The following SUPT5H variants were observed in gnomAD, a reference collection of about 807,000 sequenced individuals.
SUPT5H encodes the protein SPT5 homolog, DSIF elongation factor subunit.
In SUPT5H, 24 loss-of-function variants were observed where a neutral mutation model predicts 142.5. The observed-to-expected ratio is 0.17, with a 90% CI of 0.12 to 0.24. SUPT5H has a LOEUF of 0.24. SUPT5H is among the 10% of genes least tolerant of loss of function. SUPT5H has a pLI of 1.00. For missense variants in SUPT5H, 893 were observed against 1,471.8 expected, an observed-to-expected ratio of 0.61 and a Z score of 6.43; for synonymous variants, 546 against 553.0, an observed-to-expected ratio of 0.99 and a Z score of 0.18.
At position 39,453,379 on chromosome 19, in the gene SUPT5H, A is replaced by G; in HGVS notation, c.99A>G (p.Ala33=). 6.2e-7 allele frequency: 1 copy of G among 1,604,718 alleles called. No homozygotes were observed. The highest frequency in any genetic ancestry group is 8.5e-7 in the Non-Finnish European group (1 of 1,175,086). Residue 33 remains alanine, a synonymous_variant, in exon 3 of 30, where the codon GCA becomes GCG. Coordinates refer to ENST00000432763, the MANE Select transcript of SUPT5H (RefSeq NM_001111020.3). ...EAEVDEERRS[A]AGSEKEEEPE... ...AGGTAGACGAAGAGCGGCGGAGTGC[A>G]GCGGGCAGTGAGAAAGAAGAAGAGC...
At position 39,472,631 on chromosome 19, in the gene SUPT5H, C is replaced by T. The variant is rs995451987; in HGVS notation, c.2035+138C>T. The T allele has an allele frequency of 1.8e-4, 243 of 1,373,910 alleles. No individual in the cohort carries two copies. Among genetic ancestry groups the T allele is most frequent in the Non-Finnish European group, 2.1e-4 (213 of 1,011,168 alleles). The allele number at this position is 1,373,910 out of a possible 1,614,324, so 85.1% of individuals were successfully genotyped here. Reference sequence around the variant, plus strand: ...GGTTCACCACCCACAGGAGGGTAGACGCCACAGTGACAGCCCAGAATGGTC... The same window carrying T: ...GGTTCACCACCCACAGGAGGGTAGATGCCACAGTGACAGCCCAGAATGGTC... On this transcript the variant is annotated intron_variant, in intron 21 of 29. Transcript: ENST00000432763. This position sits in a 1 kb window ranked among gnomAD's most constrained non-coding sequence, Gnocchi z 4.2.
In SUPT5H at chr19:39,459,935, T is replaced by C; in HGVS notation, c.599T>C (p.Phe200Ser). 6.2e-7 allele frequency: 1 copy of C among 1,614,116 alleles called. No homozygotes were observed. The highest frequency in any genetic ancestry group is 8.5e-7 in the Non-Finnish European group (1 of 1,180,026). Residue 200 changes from phenylalanine (F) to serine (S), a missense_variant, in exon 10 of 30, where the codon TTC (phenylalanine) becomes TCC (serine). Transcript: ENST00000432763. ...ACGGCCATTTCCTTGATGCGCAAGT[T>C]CATTGCCTACCAGTTCACAGACACG... ...RATAISLMRK[F>S]IAYQFTDTPL...
At position 39,470,311 on chromosome 19, in the gene SUPT5H, C is replaced by T. The variant is rs769507947; in HGVS notation, c.1530+37C>T. 1 of 1,545,500 alleles carries T rather than the reference C, an allele frequency of 6.5e-7. No homozygotes were observed. Among genetic ancestry groups the T allele is most frequent in the East Asian group, 2.3e-5 (1 of 43,226 alleles). Reference sequence around the variant, plus strand: ...GAAGGGTCGGGGAAGGGTGCACGTGCCAAGAGGAGACCCAGGTAGGCGAGC... The same window carrying T: ...GAAGGGTCGGGGAAGGGTGCACGTGTCAAGAGGAGACCCAGGTAGGCGAGC... On this transcript the variant is annotated intron_variant, in intron 17 of 29. Transcript: ENST00000432763. This position sits in a 1 kb window ranked among gnomAD's most constrained non-coding sequence, Gnocchi z 5.8.
In SUPT5H at chr19:39,470,242, G is replaced by C; in HGVS notation, c.1498G>C (p.Val500Leu). The C allele has an allele frequency of 6.3e-7, 1 of 1,591,674 alleles. No homozygotes were observed. Among genetic ancestry groups the C allele is most frequent in the Non-Finnish European group, 8.6e-7 (1 of 1,165,224 alleles). Residue 500 changes from valine to leucine, a missense_variant, in exon 17 of 30, where the codon GTT becomes CTT. Val to Leu is a conservative substitution (Grantham distance 32). Transcript: ENST00000432763. The surrounding 1 kb of genome is among the most constrained non-coding windows in gnomAD (Gnocchi z 5.8). ...CATTGTGCGGGTGGAGGAGAATTTC[G>C]TTATCCTGTTCTCTGACCTCACCAT... Reference protein sequence around the residue: ...GLIVRVEENFVILFSDLTMHE... With the variant: ...GLIVRVEENFLILFSDLTMHE...
rs2079381459 is a variant in SUPT5H at position 39,474,947 on chromosome 19, C to A, written c.3024+229C>A. The A allele has an allele frequency of 1.5e-5, 9 of 595,922 alleles. No homozygotes were observed. The highest frequency in any genetic ancestry group is 8.9e-5 in the Admixed American group (3 of 33,622). The allele number at this position is 595,922 out of a possible 1,614,324, so 36.9% of individuals were successfully genotyped here. A position where few individuals can be genotyped will look rare whatever the true frequency, so the allele number is the denominator to read the frequency against. On this transcript the variant is annotated intron_variant, in intron 28 of 29. Transcript: ENST00000432763. This position sits in a 1 kb window ranked among gnomAD's most constrained non-coding sequence, Gnocchi z 6.5. ...AGGAGAAATCTGAGCCAAGACCTGA[C>A]AAATGAATAGGAGTAAGCTAAGGAA...
At position 39,458,828 on chromosome 19, in the gene SUPT5H, C is replaced by T. The variant is rs140519829; in HGVS notation, c.330C>T (p.Ile110=). ...LEKEEIEASN[I]DNVVLDEDRS... ...CCCATTATTTTTCAGCCTCCAATAT[C>T]GATAATGTTGTCCTGGATGAAGATC... is the stretch of plus-strand genomic sequence containing the variant. Residue 110 remains isoleucine (I), a synonymous_variant, in exon 6 of 30, where the codon ATC becomes ATT. Transcript: ENST00000432763. This position sits in a 1 kb window ranked among gnomAD's most constrained non-coding sequence, Gnocchi z 4.2. 1,146 of 1,612,416 alleles carry T rather than the reference C, an allele frequency of 7.1e-4. 3 individuals are homozygous for T. Among genetic ancestry groups the T allele is most frequent in the Non-Finnish European group, 5.5e-4 (645 of 1,178,874 alleles).
At position 39,474,684 on chromosome 19, in the gene SUPT5H, T is replaced by C. The variant is rs781771081; in HGVS notation, c.2990T>C (p.Val997Ala). ...CGGGACACCTACCTGGATACACAGG[T>C]GGTGGGACAGACAGGTGTCATCCGC... ...KVRDTYLDTQ[V>A]VGQTGVIRSV... Residue 997 changes from valine to alanine, a missense_variant, in exon 28 of 30, where the codon GTG becomes GCG. Transcript: ENST00000432763. This position sits in a 1 kb window ranked among gnomAD's most constrained non-coding sequence, Gnocchi z 6.5. 2.4e-5 allele frequency: 38 copies of C among 1,613,564 alleles called. No homozygotes were observed. Among genetic ancestry groups the C allele is most frequent in the Middle Eastern group, 3.3e-4 (2 of 6,084 alleles).
At chr19:39,446,923 G>A (rs533011669) in intron 2 of SUPT5H, among the ~76,000 whole-genome samples, 10 of 152,172 alleles carry the variant, frequency 6.6e-5, no homozygotes, top group East Asian at 1.9e-4. Flanking sequence ...GCTGAGAATC[G>A]CTTGAACCAG....
intron 3 of SUPT5H, among the ~76,000 whole-genome samples, chr19:39,454,023 A>T (rs1487041269): frequency 6.6e-6 from 1 of 152,226 alleles, no homozygotes; most frequent in South Asian, 2.1e-4. Flanking sequence ...ATTTTGGTGC[A>T]TATGTTTCTT....
chr19:39,474,747 C>T lies in SUPT5H; in HGVS notation c.3024+29C>T, dbSNP rs759297636. 17 of 1,582,626 alleles carry T rather than the reference C, an allele frequency of 1.1e-5. No homozygotes were observed. The highest frequency in any genetic ancestry group is 1.5e-5 in the Non-Finnish European group (17 of 1,164,134). ...CGTGGGGCCCAGGGTGGTGGGTGAG[C>T]AGGCATCCTCTCCTTGGTACCCCCT... On this transcript the variant is annotated intron_variant, in intron 28 of 29. Coordinates refer to ENST00000432763, the MANE Select transcript of SUPT5H (RefSeq NM_001111020.3). This position sits in a 1 kb window ranked among gnomAD's most constrained non-coding sequence, Gnocchi z 6.5.
Position 39,472,637 on chromosome 19 carries a change from A to T in SUPT5H, c.2035+144A>T. Reference sequence around the variant, plus strand: ...CCACCCACAGGAGGGTAGACGCCACAGTGACAGCCCAGAATGGTCAGGGCT... The same window carrying T: ...CCACCCACAGGAGGGTAGACGCCACTGTGACAGCCCAGAATGGTCAGGGCT... On this transcript the variant is annotated intron_variant, in intron 21 of 29. Coordinates refer to ENST00000432763, the MANE Select transcript of SUPT5H (RefSeq NM_001111020.3). This position sits in a 1 kb window ranked among gnomAD's most constrained non-coding sequence, Gnocchi z 4.2. 7.2e-7 allele frequency: 1 copy of T among 1,381,542 alleles called. No individual in the cohort carries two copies. Among genetic ancestry groups the T allele is most frequent in the Non-Finnish European group, 9.8e-7 (1 of 1,019,242 alleles). The allele number at this position is 1,381,542 out of a possible 1,614,324, so 85.6% of individuals were successfully genotyped here.
rs575282987 is a variant in SUPT5H at position 39,465,133 on chromosome 19, G to T, written c.876+84G>T. On this transcript the variant is annotated intron_variant, in intron 11 of 29. Coordinates refer to ENST00000432763, the MANE Select transcript of SUPT5H (RefSeq NM_001111020.3). ...TCCTTTTGTCCTTCCCACCCTCTTT[G>T]TGCTGCAGAGAATAGAATCCCACTC... 7.2e-6 allele frequency: 11 copies of T among 1,526,088 alleles called. No homozygotes were observed. In the Admixed American group the frequency reaches 1.6e-4, roughly 22 times the overall value. The allele number at this position is 1,526,088 out of a possible 1,614,324, so 94.5% of individuals were successfully genotyped here.
Position 39,472,859 on chromosome 19 carries a change from C to G in SUPT5H, c.2085C>G (p.Ser695Arg). The change falls in exon 22 of 30, where the codon AGC (serine) becomes AGG (arginine). Residue 695 changes from serine (S) to arginine (R), a missense_variant. Physicochemically the swap from Ser to Arg is moderately radical, Grantham distance 110 (BLOSUM62 -1). Transcript: ENST00000432763. This position sits in a 1 kb window ranked among gnomAD's most constrained non-coding sequence, Gnocchi z 4.2. Reference sequence around the variant, plus strand: ...CAGGTGGCGGCAGTGGTGGCATGAGCAGGGGCCGGGGCCGGAGGGACAACG... The same window carrying G: ...CAGGTGGCGGCAGTGGTGGCATGAGGAGGGGCCGGGGCCGGAGGGACAACG... ...GSPGGGSGGM[S>R]RGRGRRDNEL... The G allele has an allele frequency of 6.2e-7, 1 of 1,613,736 alleles. No individual in the cohort carries two copies. Among genetic ancestry groups the G allele is most frequent in the Non-Finnish European group, 8.5e-7 (1 of 1,179,816 alleles).
chr19:39,469,932 G>A lies in SUPT5H; in HGVS notation c.1375-187G>A. ...AAGGTTGTCCAGGTTGGTGTCCTGTGTCTGGGGTCAGCTGTTTCTGGGGCA... is the reference window on the plus strand; with the variant it reads ...AAGGTTGTCCAGGTTGGTGTCCTGTATCTGGGGTCAGCTGTTTCTGGGGCA... On this transcript the variant is annotated intron_variant, in intron 16 of 29. Transcript: ENST00000432763. This position sits in a 1 kb window ranked among gnomAD's most constrained non-coding sequence, Gnocchi z 5.1. 2.8e-6 allele frequency: 2 copies of A among 708,650 alleles called. No individual in the cohort carries two copies. Among genetic ancestry groups the A allele is most frequent in the South Asian group, 1.9e-5 (1 of 53,634 alleles). 43.9% of individuals were successfully genotyped at this position (708,650 alleles called of 1,614,324 possible). A position where few individuals can be genotyped will look rare whatever the true frequency, so the allele number is the denominator to read the frequency against.
Position 39,458,691 on chromosome 19 carries a change from C to T in SUPT5H, c.320-127C>T. On this transcript the variant is annotated intron_variant, in intron 5 of 29. Coordinates refer to ENST00000432763, the MANE Select transcript of SUPT5H (RefSeq NM_001111020.3). The surrounding 1 kb of genome is among the most constrained non-coding windows in gnomAD (Gnocchi z 4.2). ...AGTAGGGGATGAGGGGTTGGGATTT[C>T]CTCTGTGAGATGTCATCTTCCTGCC... 2 of 884,164 alleles carry T rather than the reference C, an allele frequency of 2.3e-6. No individual in the cohort carries two copies. The highest frequency in any genetic ancestry group is 3.4e-4 in the Middle Eastern group (1 of 2,918). 54.8% of individuals were successfully genotyped at this position (884,164 alleles called of 1,614,324 possible).
Position 39,474,505 on chromosome 19 carries a change from T to G in SUPT5H, c.2821-10T>G, listed in dbSNP as rs201153271. ...ACTATTCCCAATGACACTTCCTCTT[T>G]CCCCTGCAGGCTAGCCCCAGCCCGA... On this transcript the variant is annotated splice_polypyrimidine_tract_variant and intron_variant, in intron 27 of 29. Transcript: ENST00000432763. The surrounding 1 kb of genome is among the most constrained non-coding windows in gnomAD (Gnocchi z 6.5). 5.6e-6 allele frequency: 9 copies of G among 1,613,732 alleles called. No homozygotes were observed. In the African/African-American group the frequency reaches 1.2e-4, roughly 22 times the overall value.
Position 39,458,246 on chromosome 19 carries a change from ACCACC to A in SUPT5H, c.308-47_308-43del. 1.3e-6 allele frequency: 1 copy of A among 776,850 alleles called. No individual in the cohort carries two copies. Among genetic ancestry groups the A allele is most frequent in the Non-Finnish European group, 2.0e-6 (1 of 494,700 alleles). 48.1% of individuals were successfully genotyped at this position (776,850 alleles called of 1,614,324 possible). A position where few individuals can be genotyped will look rare whatever the true frequency, so the allele number is the denominator to read the frequency against. ...TCTGCCCTCGCCCACCACCACCACCACCACCACCACCACCACCACCACCACCACCT... is the reference window on the plus strand; with the variant it reads ...TCTGCCCTCGCCCACCACCACCACCAACCACCACCACCACCACCACCACCT... On this transcript the variant is annotated intron_variant, in intron 4 of 29. Coordinates refer to ENST00000432763, the MANE Select transcript of SUPT5H (RefSeq NM_001111020.3). This position sits in a 1 kb window ranked among gnomAD's most constrained non-coding sequence, Gnocchi z 4.2.
chr19:39,473,317 A>G lies in SUPT5H; in HGVS notation c.2373A>G (p.Thr791=), dbSNP rs138813059. 48 of 1,613,486 alleles carry G rather than the reference A, an allele frequency of 3.0e-5. No homozygotes were observed. In the African/African-American group the frequency reaches 6.3e-4, roughly 21 times the overall value. Residue 791 remains threonine, a synonymous_variant, in exon 24 of 30, where the codon ACA becomes ACG. Coordinates refer to ENST00000432763, the MANE Select transcript of SUPT5H (RefSeq NM_001111020.3). The surrounding 1 kb of genome is among the most constrained non-coding windows in gnomAD (Gnocchi z 5.8). The part of the protein sequence containing the change: ...GSRTPMYGSQ[T]PLQDGSRTPH... Reference sequence around the variant, plus strand: ...GAACACCCATGTACGGCTCACAGACACCCCTCCAGGATGGTGAGTGCCCGC... The same window carrying G: ...GAACACCCATGTACGGCTCACAGACGCCCCTCCAGGATGGTGAGTGCCCGC...
intron 10 of SUPT5H, among the ~76,000 whole-genome samples, chr19:39,460,801 G>T (rs537972200): frequency 1.0e-3 from 157 of 152,248 alleles, no homozygotes; most frequent in Non-Finnish European, 1.8e-3. Context: ...GTTGTCAAAG[G>T]CTTCATTGGC....
Sources: gnomAD v4.1 joint callset for allele counts (sites outside exome capture counted in the v4.1 genomes callset) on GRCh38, gnomAD v4.1.1 for gene constraint, Gnocchi (gnomAD v3.1) non-coding constraint, MANE v1.5 for transcripts, NCBI Gene and HGNC (gene_info 2026-07-23, HGNC 2026-07-21) for gene names.